Variants in CDKAL1 observed in about 807,000 individuals in gnomAD.
CDKAL1 encodes CDKAL1 threonylcarbamoyladenosine tRNA methylthiotransferase, also known as threonylcarbamoyladenosine tRNA methylthiotransferase.
Under a neutral mutation model 68.2 loss-of-function variants are expected in CDKAL1, and 32 were observed. The ratio of observed to expected loss-of-function variants is 0.47; its 90% CI spans 0.35 to 0.63. The LOEUF (loss-of-function observed/expected upper bound fraction) is 0.63, where lower values mean the gene tolerates loss of function less well. CDKAL1 is among the 30% of genes least tolerant of loss of function. The pLI is 0.00. For missense variants in CDKAL1, 606 were observed against 696.7 expected, an observed-to-expected ratio of 0.87 and a Z score of 1.47; for synonymous variants, 234 against 244.3, an observed-to-expected ratio of 0.96 and a Z score of 0.39.
intron 13 of CDKAL1, among the ~76,000 whole-genome samples, chr6:21,195,477 T>TTTTATTTATTTATTTA (rs70993212): frequency 5.1e-5 from 6 of 118,584 alleles, no homozygotes; most frequent in Non-Finnish European, 8.9e-5. Context: ...GAGATGTTTT[T>TTTTATTTATTTATTTA]TTTATTTATT....
chr6:21,045,177 G>C (rs201324), intron 11 of CDKAL1, among the ~76,000 whole-genome samples: 24,673 of 152,176 alleles, frequency 0.16, 2,214 homozygotes, highest in Middle Eastern at 0.23. Flanking sequence ...AAGGACTATA[G>C]CATGTGACCT....
chr6:20,698,128 G>A (rs1771184626), intron 5 of CDKAL1, among the ~76,000 whole-genome samples: 1 of 152,096 alleles, frequency 6.6e-6, no homozygotes, highest in South Asian at 2.1e-4. Flanking sequence ...TTGTCTTATG[G>A]TAAGGTTTCC....
intron 5 of CDKAL1, among the ~76,000 whole-genome samples, chr6:20,660,315 A>AC (rs1769227052): frequency 6.6e-6 from 1 of 152,082 alleles, no homozygotes; most frequent in Admixed American, 6.6e-5. Flanking sequence ...GAAGCCTTTG[A>AC]CGCTCTGACT....
intron 15 of CDKAL1, among the ~76,000 whole-genome samples, chr6:21,224,298 C>T (rs943595127): frequency 4.6e-5 from 7 of 152,036 alleles, no homozygotes; most frequent in Non-Finnish European, 8.8e-5. Flanking sequence ...TAAAAATAAC[C>T]CTATGATCAC....
At chr6:21,126,521 T>G (rs1394500048) in intron 13 of CDKAL1, among the ~76,000 whole-genome samples, 4 of 152,208 alleles carry the variant, frequency 2.6e-5, no homozygotes, top group African/African-American at 9.6e-5. Flanking sequence ...GCATCTGCAG[T>G]CAGCTCATTT....
intron 10 of CDKAL1, among the ~76,000 whole-genome samples, chr6:20,988,045 A>G (rs1766572300): frequency 1.3e-5 from 2 of 151,502 alleles, no homozygotes; most frequent in Admixed American, 1.3e-4. Context: ...CTGGCCTCCC[A>G]AAGTATTGAG....
chr6:21,223,879 C>CCTTA (rs1779626500), intron 15 of CDKAL1, among the ~76,000 whole-genome samples: 1 of 152,166 alleles, frequency 6.6e-6, no homozygotes, highest in African/African-American at 2.4e-5. Context: ...AAGGAAAAGG[C>CCTTA]CTTAGCAGAG....
intron 8 of CDKAL1, among the ~76,000 whole-genome samples, chr6:20,791,641 T>A (rs755013655): frequency 1.1e-4 from 16 of 152,284 alleles, no homozygotes; most frequent in Non-Finnish European, 1.3e-4. Flanking sequence ...GTAGTGAGTC[T>A]GTCAAGTGGA....
chr6:20,769,252 A>G (rs540894485), intron 7 of CDKAL1, among the ~76,000 whole-genome samples: 1 of 81,006 alleles, frequency 1.2e-5, no homozygotes, highest in African/African-American at 5.0e-5. Flanking sequence ...CAAACTTGTG[A>G]TCATCTTTTT....
At chr6:20,723,449 G>A (rs972581176) in intron 5 of CDKAL1, 1 of 152,630 alleles carries the variant, frequency 6.6e-6, no homozygotes, top group Non-Finnish European at 1.5e-5. Flanking sequence ...CAACTGGCCA[G>A]GTCCTGCACT....
chr6:20,655,941 G>A (rs1470439752), intron 5 of CDKAL1, among the ~76,000 whole-genome samples: 2 of 152,164 alleles, frequency 1.3e-5, no homozygotes, highest in Non-Finnish European at 2.9e-5. Context: ...GAGCTTTATT[G>A]AGTGTCTTCT....
At chr6:20,970,147 A>G (rs1437553502) in intron 10 of CDKAL1, among the ~76,000 whole-genome samples, 1 of 152,148 alleles carries the variant, frequency 6.6e-6, no homozygotes, top group Non-Finnish European at 1.5e-5. Context: ...AGTGAAGTCC[A>G]ATAATGATAG....
intron 10 of CDKAL1, among the ~76,000 whole-genome samples, chr6:20,999,298 C>T (rs771318388): frequency 6.6e-6 from 1 of 150,904 alleles, no homozygotes; most frequent in East Asian, 1.9e-4. Flanking sequence ...CCTTTCCTCC[C>T]TCTCTTTCAA....
chr6:20,649,442 G>T, intron 5 of CDKAL1, 65 bp downstream of exon 5: 1 of 899,532 alleles, frequency 1.1e-6, no homozygotes. Context: ...CAAAAGATTA[G>T]CTTTTTAAAA....
At chr6:20,979,169 A>C (rs1404568042) in intron 10 of CDKAL1, among the ~76,000 whole-genome samples, 1 of 152,194 alleles carries the variant, frequency 6.6e-6, no homozygotes, top group Non-Finnish European at 1.5e-5. Context: ...TCATTGAAAA[A>C]GTCAAAATGA....
intron 9 of CDKAL1, among the ~76,000 whole-genome samples, chr6:20,856,426 A>G (rs972815289): frequency 6.6e-6 from 1 of 152,194 alleles, no homozygotes; most frequent in African/African-American, 2.4e-5. Flanking sequence ...TTCCAGCACA[A>G]TTGAATGCTG....
chr6:20,873,632 G>A (rs1321568914), intron 9 of CDKAL1, among the ~76,000 whole-genome samples: 1 of 152,108 alleles, frequency 6.6e-6, no homozygotes. Flanking sequence ...CTGATAATCA[G>A]TATTTAGAAT....
At chr6:21,046,877 A>G (rs1407719204) in intron 11 of CDKAL1, among the ~76,000 whole-genome samples, 1 of 152,224 alleles carries the variant, frequency 6.6e-6, no homozygotes, top group African/African-American at 2.4e-5. Flanking sequence ...GACGCAAGCA[A>G]CTGTAACCTA....
At chr6:20,982,328 G>A (rs1434373836) in intron 10 of CDKAL1, among the ~76,000 whole-genome samples, 1 of 151,908 alleles carries the variant, frequency 6.6e-6, no homozygotes, top group Admixed American at 6.6e-5. Flanking sequence ...GAAAGTGCTG[G>A]GATTACAGAC....
Sources: gnomAD v4.1 joint callset for allele counts (sites outside exome capture counted in the v4.1 genomes callset) on GRCh38, gnomAD v4.1.1 for gene constraint, MANE v1.5 for transcripts, NCBI Gene and HGNC (gene_info 2026-07-23, HGNC 2026-07-21) for gene names.